The following FRS2 variants were observed in gnomAD, a reference collection of about 807,000 sequenced individuals.
FRS2 encodes the protein FGFR signalling adaptor.
A neutral mutation model predicts 43.9 loss-of-function variants in FRS2; 8 were observed. The observed-to-expected ratio is 0.18, with a 90% CI of 0.11 to 0.33. FRS2 has a LOEUF of 0.33. Among genes scored for constraint, FRS2 ranks in the 10% least tolerant of loss-of-function variants. The pLI is 1.00. For synonymous variants in FRS2, 219 were observed against 220.3 expected (o/e 0.99, Z 0.05); for missense variants, 534 against 627.6 (o/e 0.85, Z 1.59).
intron 1 of FRS2, among the ~76,000 whole-genome samples, chr12:69,481,753 C>G (rs893361517): frequency 6.6e-6 from 1 of 152,100 alleles, no homozygotes; most frequent in Non-Finnish European, 1.5e-5. Flanking sequence ...GAAGGTTTTT[C>G]AATTTGGACT....
chr12:69,485,865 CTATGTATT>C (rs1871891245), intron 1 of FRS2, among the ~76,000 whole-genome samples: 1 of 152,092 alleles, frequency 6.6e-6, no homozygotes, highest in African/African-American at 2.4e-5. Flanking sequence ...TTTGAGATAG[CTATGTATT>C]AAGATCCTCT....
In FRS2 at chr12:69,530,973, A is replaced by C. The variant is rs1456375363; in HGVS notation, c.-165+13A>C. 11 of 149,016 alleles carry C rather than the reference A, an allele frequency of 7.4e-5. No individual in the cohort carries two copies. The allele number at this position is 149,016 out of a possible 1,614,324, so 9.2% of individuals were successfully genotyped here. ...GTCAACCAGCTTGGTAAGTGTGGCCAAATCTTTTTTTTTTTTTTTTTAACT... is the reference window on the plus strand; with the variant it reads ...GTCAACCAGCTTGGTAAGTGTGGCCCAATCTTTTTTTTTTTTTTTTTAACT... On this transcript the variant is annotated intron_variant, in intron 2 of 8. Transcript: ENST00000549921.
chr12:69,563,703 G>C (rs938603558), intron 4 of FRS2, among the ~76,000 whole-genome samples: 8 of 152,078 alleles, frequency 5.3e-5, no homozygotes, highest in Non-Finnish European at 1.2e-4. Context: ...GTAGCTCCTT[G>C]GTGACTAATC....
chr12:69,506,410 G>C (rs1001772580), intron 1 of FRS2, among the ~76,000 whole-genome samples: 3 of 152,046 alleles, frequency 2.0e-5, no homozygotes, highest in Non-Finnish European at 2.9e-5. Context: ...AATTTATCCA[G>C]TATTTTAGAA....
chr12:69,472,193 CCTT>C lies in FRS2; in HGVS notation c.-261+1666_-261+1668del, dbSNP rs563219394. ...CCTCCAACTCCTGGACTCAAGCAGT[CCTT>C]CTGTCTCAGACTCCTGAGTGGCTAG... On this transcript the variant is annotated intron_variant, in intron 1 of 8. Transcript: ENST00000549921. Among the ~76,000 whole-genome samples the C allele has an allele frequency of 4.9e-3, 742 of 152,142 alleles. 4 individuals carry two copies. Among genetic ancestry groups the C allele is most frequent in the African/African-American group, 0.017 (704 of 41,496 alleles).
intron 1 of FRS2, among the ~76,000 whole-genome samples, chr12:69,488,221 T>C (rs561227730): frequency 6.6e-6 from 1 of 152,326 alleles, no homozygotes; most frequent in South Asian, 2.1e-4. Context: ...CACCACATGC[T>C]ACAGAGAAAT....
intron 1 of FRS2, among the ~76,000 whole-genome samples, chr12:69,482,342 G>C (rs971087176): frequency 5.3e-5 from 8 of 152,192 alleles, no homozygotes; most frequent in Non-Finnish European, 7.3e-5. Flanking sequence ...TTTTCCTAAG[G>C]TAAACTTTTA....
chr12:69,547,830 C>CTTTTTTTTTTTT (rs71094722), intron 3 of FRS2, among the ~76,000 whole-genome samples: 2 of 102,774 alleles, frequency 1.9e-5, no homozygotes, highest in African/African-American at 7.2e-5. Context: ...TCCATTAATA[C>CTTTTTTTTTTTT]TTTTTTTTTT....
At chr12:69,481,567 A>G (rs1191458828) in intron 1 of FRS2, among the ~76,000 whole-genome samples, 1 of 152,148 alleles carries the variant, frequency 6.6e-6, no homozygotes, top group Non-Finnish European at 1.5e-5. Context: ...AATTACAGGC[A>G]TAAGCCACCA....
At chr12:69,543,620 T>TA (rs1193157076) in intron 3 of FRS2, among the ~76,000 whole-genome samples, 1 of 152,132 alleles carries the variant, frequency 6.6e-6, no homozygotes, top group Admixed American at 6.5e-5. Flanking sequence ...GGTAAGGGTT[T>TA]ATCTATTTCA....
At chr12:69,502,034 C>G (rs955093098) in intron 1 of FRS2, among the ~76,000 whole-genome samples, 2 of 151,808 alleles carry the variant, frequency 1.3e-5, no homozygotes, top group Admixed American at 6.6e-5. Context: ...GGTATGATCT[C>G]GGCTCACTGA....
At chr12:69,506,427 C>T (rs1218451003) in intron 1 of FRS2, among the ~76,000 whole-genome samples, 1 of 152,020 alleles carries the variant, frequency 6.6e-6, no homozygotes, top group Non-Finnish European at 1.5e-5. Flanking sequence ...AGAATAATAT[C>T]GCAAATACAG....
chr12:69,557,619 T>TGCACGC (rs1879498944), intron 3 of FRS2, among the ~76,000 whole-genome samples: 1 of 118,966 alleles, frequency 8.4e-6, no homozygotes, highest in Non-Finnish European at 1.9e-5. Flanking sequence ...TGTGTGTGTG[T>TGCACGC]GCGCGCGCGC....
intron 1 of FRS2, among the ~76,000 whole-genome samples, chr12:69,525,030 C>G (rs565454925): frequency 6.6e-6 from 1 of 152,214 alleles, no homozygotes; most frequent in Non-Finnish European, 1.5e-5. Context: ...TGCCTTCCCT[C>G]TGAAGGTTTG....
At chr12:69,527,591 G>C (rs1876386768) in intron 1 of FRS2, among the ~76,000 whole-genome samples, 1 of 152,030 alleles carries the variant, frequency 6.6e-6, no homozygotes, top group Non-Finnish European at 1.5e-5. Flanking sequence ...GATTATAATA[G>C]TGAACAAGAC....
At chr12:69,535,396 C>T (rs1427437406) in intron 3 of FRS2, among the ~76,000 whole-genome samples, 1 of 151,962 alleles carries the variant, frequency 6.6e-6, no homozygotes, top group Non-Finnish European at 1.5e-5. Context: ...TAAATGAGGG[C>T]GTAAATGTGA....
intron 1 of FRS2, among the ~76,000 whole-genome samples, chr12:69,471,100 C>G (rs905135822): frequency 1.3e-5 from 2 of 152,196 alleles, no homozygotes; most frequent in East Asian, 3.9e-4. Context: ...GGCTCGGAAC[C>G]GGTCCTGGAT....
At chr12:69,549,812 C>T (rs574041164) in intron 3 of FRS2, among the ~76,000 whole-genome samples, 2 of 152,336 alleles carry the variant, frequency 1.3e-5, no homozygotes, top group South Asian at 2.1e-4. Context: ...TTCTTTCTGT[C>T]CCATCTCACC....
chr12:69,487,906 A>G (rs893945570), intron 1 of FRS2, among the ~76,000 whole-genome samples: 1 of 152,230 alleles, frequency 6.6e-6, no homozygotes, highest in African/African-American at 2.4e-5. Context: ...GGAGGAAGTA[A>G]CAGCATATAT....
Sources: allele counts gnomAD v4.1 joint callset (sites outside exome capture counted in the v4.1 genomes callset), GRCh38; gene constraint gnomAD v4.1.1; transcripts MANE v1.5; gene names NCBI Gene and HGNC (gene_info 2026-07-23, HGNC 2026-07-21).